Variants in PANK1 observed in about 807,000 individuals in gnomAD.
PANK1 encodes pantothenate kinase 1, also known as pantothenic acid kinase 1.
In PANK1, 18 loss-of-function variants were observed where a neutral mutation model predicts 40.1. The observed-to-expected ratio is 0.45, with a 90% CI of 0.31 to 0.67. The LOEUF (loss-of-function observed/expected upper bound fraction) is 0.67, where lower values mean the gene tolerates loss of function less well. PANK1 is among the 30% of genes least tolerant of loss of function. The pLI is 0.06. For synonymous variants in PANK1, 242 were observed against 237.7 expected (o/e 1.02, Z -0.17); for missense variants, 457 against 599.6 (o/e 0.76, Z 2.48).
rs895500020 is a variant in PANK1 at position 89,604,767 on chromosome 10, T to C, written c.646-5262A>G. Among the ~76,000 whole-genome samples the C allele has an allele frequency of 5.9e-5, 9 of 152,124 alleles. No homozygotes were observed. In the East Asian group the frequency reaches 1.2e-3, roughly 20 times the overall value. On this transcript the variant is annotated intron_variant, in intron 2 of 6. Transcript: ENST00000307534. ...AGTGTGCAATAGCATTATGTCTTTT[T>C]TGAGACAGAGTCTTTCTCTGTCTCC...
intron 5 of PANK1, among the ~76,000 whole-genome samples, chr10:89,591,117 A>T (rs757509213): frequency 1.9e-4 from 29 of 152,066 alleles, no homozygotes; most frequent in Admixed American, 5.9e-4. Flanking sequence ...ATATAATTAT[A>T]TTTCAATAAA....
At chr10:89,622,137 AAC>A (rs766832076) in intron 1 of PANK1, among the ~76,000 whole-genome samples, 1 of 152,256 alleles carries the variant, frequency 6.6e-6, no homozygotes, top group Non-Finnish European at 1.5e-5. Flanking sequence ...AATAGCATGA[AAC>A]ACAGTTGAAA....
At chr10:89,588,069 T>C (rs1332909281) in intron 6 of PANK1, among the ~76,000 whole-genome samples, 1 of 152,180 alleles carries the variant, frequency 6.6e-6, no homozygotes, top group African/African-American at 2.4e-5. Flanking sequence ...AGTGAGGACA[T>C]GTAGTATTTG....
chr10:89,626,499 T>C (rs1291677366), intron 1 of PANK1: 1 of 151,998 alleles, frequency 6.6e-6, no homozygotes, highest in Non-Finnish European at 1.5e-5. Flanking sequence ...AAAGACGGGG[T>C]TTCACCGTGT....
At chr10:89,599,097 T>A (rs141437593) in intron 3 of PANK1, 155 bp downstream of exon 3, 2 of 656,228 alleles carry the variant, frequency 3.0e-6, no homozygotes, top group African/African-American at 3.7e-5. Context: ...ATCACCCACA[T>A]ACCACTTTAA....
chr10:89,609,688 C>A (rs1167949399), intron 2 of PANK1, among the ~76,000 whole-genome samples: 1 of 152,166 alleles, frequency 6.6e-6, no homozygotes, highest in African/African-American at 2.4e-5. Context: ...CCCAACCTGG[C>A]CAGACTATTT....
At chr10:89,623,609 G>A (rs930686632) in intron 1 of PANK1, among the ~76,000 whole-genome samples, 1 of 151,726 alleles carries the variant, frequency 6.6e-6, no homozygotes, top group East Asian at 1.9e-4. Flanking sequence ...CTGTAATGAT[G>A]CAAAAGAAAA....
At chr10:89,628,916 G>C (rs1409296199) in intron 1 of PANK1, among the ~76,000 whole-genome samples, 1 of 152,088 alleles carries the variant, frequency 6.6e-6, no homozygotes, top group Non-Finnish European at 1.5e-5. Flanking sequence ...GGCTGCTATG[G>C]TTTGAATCTT....
chr10:89,579,870 G>A (rs952024929), downstream of PANK1: 8 of 152,096 alleles, frequency 5.3e-5, no homozygotes, highest in African/African-American at 1.4e-4. Context: ...TGTTCACATC[G>A]GATTGCATCC....
At chr10:89,640,307 T>C (rs1396679226) in intron 1 of PANK1, among the ~76,000 whole-genome samples, 1 of 152,224 alleles carries the variant, frequency 6.6e-6, no homozygotes, top group Admixed American at 6.5e-5. Flanking sequence ...GTTCAGGTCA[T>C]TGTTTTGATG....
At chr10:89,592,702 C>G (rs752209450) in intron 5 of PANK1, 1 of 533,208 alleles carries the variant, frequency 1.9e-6, no homozygotes. Flanking sequence ...AGCTCCACCC[C>G]TTTTTGTGCC....
chr10:89,623,982 C>T (rs529968035), intron 1 of PANK1, among the ~76,000 whole-genome samples: 1 of 152,326 alleles, frequency 6.6e-6, no homozygotes, highest in African/African-American at 2.4e-5. Flanking sequence ...GGGATGGAAT[C>T]GCTGTGGGAC....
At position 89,621,225 on chromosome 10, in the gene PANK1, C is replaced by T. The variant is rs544689705; in HGVS notation, c.293-9177G>A. On this transcript the variant is annotated intron_variant, in intron 1 of 6. Coordinates refer to ENST00000307534, the MANE Select transcript of PANK1 (RefSeq NM_148977.3). ...CTGAGGCAGGAGAATTGCTTGAACCCGGGAGGTGGAGGTTGCAGTGAGCCG... is the reference window on the plus strand; with the variant it reads ...CTGAGGCAGGAGAATTGCTTGAACCTGGGAGGTGGAGGTTGCAGTGAGCCG... Among the ~76,000 whole-genome samples the T allele has an allele frequency of 9.9e-5, 15 of 151,888 alleles. No individual in the cohort carries two copies. In the East Asian group the frequency reaches 1.2e-3, roughly 12 times the overall value.
intron 1 of PANK1, chr10:89,639,132 A>C: frequency 2.4e-6 from 1 of 413,926 alleles, no homozygotes; most frequent in Non-Finnish European, 4.9e-6. Flanking sequence ...TAATGAACAG[A>C]AATTTATTTG....
chr10:89,640,823 A>G (rs898631698), intron 1 of PANK1, among the ~76,000 whole-genome samples: 3 of 152,230 alleles, frequency 2.0e-5, no homozygotes, highest in Non-Finnish European at 4.4e-5. Flanking sequence ...AATGTCTCAC[A>G]TATCAAGAAC....
In PANK1 at chr10:89,645,222, G is replaced by C. The variant is rs373611897; in HGVS notation, c.-331C>G. ...CCCCAGGCCGCGCGACTTCAAACGC[G>C]GCTTCCTCGCCTCCCAGACTGGTCC... is the stretch of plus-strand genomic sequence containing the variant. On this transcript the variant is annotated 5_prime_UTR_variant, in exon 1 of 7. Coordinates refer to ENST00000307534, the MANE Select transcript of PANK1 (RefSeq NM_148977.3). The C allele has an allele frequency of 6.3e-7, 1 of 1,598,938 alleles. No homozygotes were observed. Among genetic ancestry groups the C allele is most frequent in the Non-Finnish European group, 8.5e-7 (1 of 1,173,648 alleles).
chr10:89,590,783 C>T (rs561116089), intron 5 of PANK1, among the ~76,000 whole-genome samples: 229 of 152,086 alleles, frequency 1.5e-3, no homozygotes, highest in Admixed American at 3.2e-3. Flanking sequence ...TTTCAAGATG[C>T]GTTATTACGT....
intron 3 of PANK1, 36 bp from the exon 4 acceptor site, chr10:89,594,025 T>C (rs1422272292): frequency 1.3e-6 from 2 of 1,507,296 alleles, no homozygotes; most frequent in Non-Finnish European, 1.8e-6. Context: ...TAAATTTTAC[T>C]TTAAGATATG....
At chr10:89,617,856 T>C (rs755493526) in intron 1 of PANK1, among the ~76,000 whole-genome samples, 2 of 152,230 alleles carry the variant, frequency 1.3e-5, no homozygotes, top group Non-Finnish European at 2.9e-5. Context: ...ACCGATTTTC[T>C]TTTGAAAAAT....
Sources: gnomAD v4.1 joint callset for allele counts (sites outside exome capture counted in the v4.1 genomes callset) on GRCh38, gnomAD v4.1.1 for gene constraint, MANE v1.5 for transcripts, NCBI Gene and HGNC (gene_info 2026-07-23, HGNC 2026-07-21) for gene names.